The following KIF3A variants were observed in gnomAD, a reference collection of about 807,000 sequenced individuals.
The protein encoded by KIF3A is kinesin family member 3A, also known as kinesin-like protein KIF3A.
Under a neutral mutation model 92.6 loss-of-function variants are expected in KIF3A, and 27 were observed. That is an observed-to-expected ratio of 0.29 (90% confidence interval 0.21 to 0.40). The LOEUF (loss-of-function observed/expected upper bound fraction) is 0.40, where lower values mean the gene tolerates loss of function less well. Ranked by LOEUF, KIF3A falls within the 10% of genes least tolerant of loss-of-function variation. The pLI is 1.00. For synonymous variants in KIF3A, 250 were observed against 275.4 expected (o/e 0.91, Z 0.92); for missense variants, 581 against 872.6 (o/e 0.67, Z 4.21).
chr5:132,700,339 G>GT (rs1202416189), intron 16 of KIF3A, 55 bp from the exon 17 acceptor site: 1 of 1,031,844 alleles, frequency 9.7e-7, no homozygotes, highest in African/African-American at 1.6e-5. Context: ...AATCAATACT[G>GT]TGAGTTAGGC....
chr5:132,712,024 T>C (rs1226980263), intron 8 of KIF3A, among the ~76,000 whole-genome samples: 4 of 152,190 alleles, frequency 2.6e-5, no homozygotes, highest in African/African-American at 9.7e-5. Flanking sequence ...AAAAGTAAAA[T>C]ATACTCTAAT....
intron 2 of KIF3A, among the ~76,000 whole-genome samples, chr5:132,727,950 G>A (rs557065404): frequency 1.8e-4 from 28 of 151,894 alleles, no homozygotes; most frequent in Admixed American, 7.9e-4. Flanking sequence ...AGACTTTTCC[G>A]TGAAAATAAA....
At chr5:132,715,664 A>T in intron 8 of KIF3A, 93 bp downstream of exon 8, 1 of 883,892 alleles carries the variant, frequency 1.1e-6, no homozygotes. Flanking sequence ...GAGGCTCAAA[A>T]AAGGTTTAAT....
chr5:132,715,155 A>C (rs1323027202), intron 8 of KIF3A, among the ~76,000 whole-genome samples: 1 of 152,208 alleles, frequency 6.6e-6, no homozygotes, highest in Non-Finnish European at 1.5e-5. Context: ...TCTCGCATTA[A>C]GGTGCAAGGA....
chr5:132,710,838 A>G (rs1194339303), intron 9 of KIF3A, 121 bp downstream of exon 9: 17 of 1,335,894 alleles, frequency 1.3e-5, no homozygotes, highest in Non-Finnish European at 1.5e-5. Context: ...AATGGCATAC[A>G]TCTTCTGTTC....
At chr5:132,733,552 G>C (rs1010673020) in intron 2 of KIF3A, among the ~76,000 whole-genome samples, 47 of 152,324 alleles carry the variant, frequency 3.1e-4, no homozygotes, top group Non-Finnish European at 6.3e-4. Flanking sequence ...GAGATTGCTT[G>C]AGCCTAGGAG....
rs1380191008 is a variant in KIF3A, at chr5:132,694,476, G to T, written c.*2158C>A. 3 of 152,248 alleles carry T rather than the reference G, an allele frequency of 2.0e-5. No homozygotes were observed. Among genetic ancestry groups the T allele is most frequent in the African/African-American group, 7.2e-5 (3 of 41,520 alleles). 9.4% of individuals were successfully genotyped at this position (152,248 alleles called of 1,614,324 possible). On this transcript the variant is annotated 3_prime_UTR_variant, in exon 19 of 19. Transcript: ENST00000403231. ...CGGCTTTTTATTTTGACTTTTTATA[G>T]ATTTATTTTTATTATCATGGTAGGG...
At chr5:132,700,476 C>T in intron 16 of KIF3A, 171 bp downstream of exon 16, 1 of 649,600 alleles carries the variant, frequency 1.5e-6, no homozygotes, top group Non-Finnish European at 2.7e-6. Context: ...AGACCATGAT[C>T]TGTATGTTAC....
At chr5:132,728,578 A>G (rs1417688582) in intron 2 of KIF3A, among the ~76,000 whole-genome samples, 1 of 151,922 alleles carries the variant, frequency 6.6e-6, no homozygotes, top group Non-Finnish European at 1.5e-5. Flanking sequence ...CTCTACTAAA[A>G]ATACAAAAAT....
At position 132,716,518 on chromosome 5, in the gene KIF3A, A is replaced by C. The variant is rs868318794; in HGVS notation, c.757-76T>G. On this transcript the variant is annotated intron_variant, in intron 6 of 18. Coordinates refer to ENST00000403231, the MANE Select transcript of KIF3A (RefSeq NM_001300791.2). ...ATATTCTTCCCAAGGTTTTATTAAAAAGTAATGTAACAGTAAAAAACCTGA... is the reference window on the plus strand; with the variant it reads ...ATATTCTTCCCAAGGTTTTATTAAACAGTAATGTAACAGTAAAAAACCTGA... The C allele has an allele frequency of 1.1e-5, 14 of 1,259,056 alleles. No homozygotes were observed. In the Middle Eastern group the frequency reaches 1.2e-3, roughly 109 times the overall value. 78.0% of individuals were successfully genotyped at this position (1,259,056 alleles called of 1,614,324 possible).
rs1054863397 is a variant in KIF3A, at chr5:132,694,928, A to G, written c.*1706T>C. ...ATTCCAATTACAGAATGGACTTTAA[A>G]TTTATGGGTACATTTTTATCGCCAC... On this transcript the variant is annotated 3_prime_UTR_variant, in exon 19 of 19. Coordinates refer to ENST00000403231, the MANE Select transcript of KIF3A (RefSeq NM_001300791.2). 1.3e-5 allele frequency: 2 copies of G among 152,288 alleles called. No individual in the cohort carries two copies. The highest frequency in any genetic ancestry group is 2.4e-5 in the African/African-American group (1 of 41,432). The allele number at this position is 152,288 out of a possible 1,614,324, so 9.4% of individuals were successfully genotyped here. A position where few individuals can be genotyped will look rare whatever the true frequency, so the allele number is the denominator to read the frequency against.
At chr5:132,713,650 T>A (rs193019801) in intron 8 of KIF3A, among the ~76,000 whole-genome samples, 466 of 152,112 alleles carry the variant, frequency 3.1e-3, no homozygotes, top group Non-Finnish European at 5.4e-3. Context: ...AAACAAGAAT[T>A]CAAACAGGTA....
At chr5:132,733,546 T>C (rs867810550) in intron 2 of KIF3A, among the ~76,000 whole-genome samples, 5 of 152,192 alleles carry the variant, frequency 3.3e-5, no homozygotes, top group African/African-American at 4.8e-5. Flanking sequence ...CAGTAGGAGA[T>C]TGCTTGAGCC....
At chr5:132,690,597 G>A (rs1402551832), downstream of KIF3A, among the ~76,000 whole-genome samples, 4 of 152,114 alleles carry the variant, frequency 2.6e-5, no homozygotes, top group African/African-American at 9.7e-5. Flanking sequence ...AAAACATCAC[G>A]ATATATCTCA....
chr5:132,699,495 A>G, intron 17 of KIF3A, 200 bp from the exon 18 acceptor site: 1 of 632,316 alleles, frequency 1.6e-6, no homozygotes, highest in South Asian at 1.5e-5. Flanking sequence ...GCCCTGACAC[A>G]CTATAAATTT....
intron 2 of KIF3A, among the ~76,000 whole-genome samples, chr5:132,730,796 GA>G (rs1342478360): frequency 6.6e-6 from 1 of 151,092 alleles, no homozygotes; most frequent in South Asian, 2.1e-4. Flanking sequence ...CCTGTTTCAA[GA>G]AAAAAATAAT....
intron 10 of KIF3A, among the ~76,000 whole-genome samples, chr5:132,708,297 A>G (rs567953317): frequency 1.3e-4 from 20 of 152,070 alleles, no homozygotes; most frequent in South Asian, 6.2e-4. Flanking sequence ...AAAAAAAAAA[A>G]AAAGAAAGAA....
rs748510525 is a variant in KIF3A, at chr5:132,702,676, A to G, written c.1648-8T>C. ...AATATCCAAGCGTTCTTGCTATGAC[A>G]AAAATTAGTAAACTTCAGAATAAAT... On this transcript the variant is annotated splice_polypyrimidine_tract_variant and splice_region_variant and intron_variant, in intron 13 of 18. Transcript: ENST00000403231. 1.3e-6 allele frequency: 2 copies of G among 1,545,980 alleles called. No homozygotes were observed. Among genetic ancestry groups the G allele is most frequent in the South Asian group, 2.3e-5 (2 of 85,954 alleles).
intron 1 of KIF3A, among the ~76,000 whole-genome samples, chr5:132,735,632 AT>A (rs1754367017): frequency 6.6e-6 from 1 of 152,134 alleles, no homozygotes; most frequent in South Asian, 2.1e-4. Context: ...CCTAGTCTAA[AT>A]CACCATCATC....
Sources: allele counts gnomAD v4.1 joint callset (sites outside exome capture counted in the v4.1 genomes callset), GRCh38; gene constraint gnomAD v4.1.1; transcripts MANE v1.5; gene names NCBI Gene and HGNC (gene_info 2026-07-23, HGNC 2026-07-21).